Variants in RRN3 observed in about 807,000 individuals in gnomAD.
RRN3 encodes RNA polymerase I-specific transcription initiation factor RRN3.
Under a neutral mutation model 82.3 loss-of-function variants are expected in RRN3, and 38 were observed. The ratio of observed to expected loss-of-function variants is 0.46; its 90% CI spans 0.36 to 0.61. RRN3 has a LOEUF of 0.61. Among genes scored for constraint, RRN3 ranks in the 20% least tolerant of loss-of-function variants. The probability of loss-of-function intolerance (pLI) is 0.00; values close to 1 mark genes in which losing one functional copy is unlikely to be tolerated. For missense variants in RRN3, 726 were observed against 793.1 expected (o/e 0.92, Z 1.02); for synonymous variants, 284 against 284.3 (o/e 1.00, Z 0.01).
rs546357957 is a variant in RRN3, at chr16:15,065,151, G to A, written c.1706+68C>T. 9.4e-4 allele frequency: 1,405 copies of A among 1,488,656 alleles called. 8 individuals are homozygous for A. Among genetic ancestry groups the A allele is most frequent in the Middle Eastern group, 5.0e-3 (28 of 5,616 alleles). 92.2% of individuals were successfully genotyped at this position (1,488,656 alleles called of 1,614,324 possible). Reference sequence around the variant, plus strand: ...ACCGCACTCCAGCCTGGGCGACAGAGTGAGACTCCGTCTCAAAAAAAAAAA... The same window carrying A: ...ACCGCACTCCAGCCTGGGCGACAGAATGAGACTCCGTCTCAAAAAAAAAAA... On this transcript the variant is annotated intron_variant, in intron 16 of 17. Transcript: ENST00000198767.
At chr16:15,078,319 G>A (rs1332582778) in intron 9 of RRN3, among the ~76,000 whole-genome samples, 1 of 151,948 alleles carries the variant, frequency 6.6e-6, no homozygotes, top group Non-Finnish European at 1.5e-5. Context: ...CCACAAACCT[G>A]CTCACGTCTC....
chr16:15,081,668 C>T (rs1266940454), intron 8 of RRN3, among the ~76,000 whole-genome samples: 10 of 152,090 alleles, frequency 6.6e-5, no homozygotes, highest in East Asian at 1.9e-4. Context: ...AGCATAACAA[C>T]GTTTAATTTT....
At chr16:15,089,703 G>C (rs180726215) in intron 3 of RRN3, among the ~76,000 whole-genome samples, 586 of 150,528 alleles carry the variant, frequency 3.9e-3, no homozygotes, top group Admixed American at 6.8e-3. Context: ...GGGAGGCTGA[G>C]GCAGGAGAAT....
At chr16:15,084,999 A>G (rs1293231927) in intron 6 of RRN3, among the ~76,000 whole-genome samples, 1 of 150,636 alleles carries the variant, frequency 6.6e-6, no homozygotes, top group African/African-American at 2.4e-5. Flanking sequence ...CTGGGAGGTG[A>G]AGGCTGCAGC....
At chr16:15,066,919 G>A (rs567617933) in intron 15 of RRN3, among the ~76,000 whole-genome samples, 1 of 151,652 alleles carries the variant, frequency 6.6e-6, no homozygotes, top group South Asian at 2.1e-4. Context: ...ACCCCAAATC[G>A]AGAGCCCCTG....
rs569430596 is a variant in RRN3, at chr16:15,083,028, A to G, written c.666+485T>C. 1.4e-4 allele frequency among the ~76,000 whole-genome samples: 21 copies of G among 152,378 alleles called. No homozygotes were observed. The South Asian group carries it at 3.1e-3, about 23-fold the overall frequency. On this transcript the variant is annotated intron_variant, in intron 8 of 17. Coordinates refer to ENST00000198767, the MANE Select transcript of RRN3 (RefSeq NM_018427.5). ...CAGAAAAAGGCACTGGGAATCCCCA[A>G]TAGCCGCTTTATAAGAAAGGAATCT...
intron 16 of RRN3, among the ~76,000 whole-genome samples, chr16:15,064,122 C>G (rs1358506575): frequency 1.3e-5 from 2 of 152,194 alleles, no homozygotes; most frequent in Non-Finnish European, 2.9e-5. Flanking sequence ...CAAGTTAAGG[C>G]TGGCCCAGTG....
At chr16:15,089,663 G>T (rs1427712540) in intron 3 of RRN3, among the ~76,000 whole-genome samples, 20 of 151,652 alleles carry the variant, frequency 1.3e-4, no homozygotes, top group Middle Eastern at 3.2e-3. Context: ...AGCTGGCGGT[G>T]GTGGCGGGCG....
At chr16:15,069,068 C>A (rs2045107884) in intron 14 of RRN3, among the ~76,000 whole-genome samples, 2 of 152,162 alleles carry the variant, frequency 1.3e-5, no homozygotes, top group African/African-American at 4.8e-5. Flanking sequence ...CTAGTTCATA[C>A]AACATCTTTT....
intron 16 of RRN3, among the ~76,000 whole-genome samples, chr16:15,063,723 GA>G (rs1214508290): frequency 5.0e-5 from 6 of 118,884 alleles, no homozygotes; most frequent in African/African-American, 1.4e-4. Flanking sequence ...AAAAAAAAAA[GA>G]AAAAAACAAA....
chr16:15,089,980 G>A (rs557121034), intron 3 of RRN3, among the ~76,000 whole-genome samples: 57 of 151,754 alleles, frequency 3.8e-4, no homozygotes, highest in African/African-American at 1.3e-3. Flanking sequence ...AGGCCAAGGC[G>A]GGCAGGTCAC....
rs756188965 is a variant in RRN3 at position 15,086,181 on chromosome 16, C to T, written c.420G>A (p.Gln140=). 14 of 1,599,068 alleles carry T rather than the reference C, an allele frequency of 8.8e-6. No individual in the cohort carries two copies. Among genetic ancestry groups the T allele is most frequent in the South Asian group, 6.7e-5 (6 of 89,644 alleles). Residue 140 remains glutamine (Q), a synonymous_variant, in exon 5 of 18, where the codon CAG becomes CAA. Coordinates refer to ENST00000198767, the MANE Select transcript of RRN3 (RefSeq NM_018427.5). ...LAFLGNLVSA[Q]TVFLRPCLSM... is the part of the protein sequence containing the mutation. ...TGAGACACGGTCTGAGGAAAACAGT[C>T]TGTGCTGATACAAGATTACCAAGAA... is the stretch of plus-strand genomic sequence containing the variant.
chr16:15,094,212 T>G lies in RRN3; in HGVS notation c.22A>C (p.Thr8Pro). The change falls in exon 1 of 18, where the codon ACG (threonine) becomes CCG (proline). Residue 8 changes from threonine to proline, a missense_variant. By Grantham distance (38) the Thr-to-Pro change is conservative (BLOSUM62 -1). Coordinates refer to ENST00000198767, the MANE Select transcript of RRN3 (RefSeq NM_018427.5). ...GCGGCCGCATCTCCCGGCAAACGCGTGTGAAGCAGCGGTGCCGCCATTGGG... is the reference window on the plus strand; with the variant it reads ...GCGGCCGCATCTCCCGGCAAACGCGGGTGAAGCAGCGGTGCCGCCATTGGG... Reference protein sequence around the residue: MAAPLLHTRLPGDAAASS... With the variant: MAAPLLHPRLPGDAAASS... The G allele has an allele frequency of 6.3e-7, 1 of 1,596,466 alleles. No individual in the cohort carries two copies. The highest frequency in any genetic ancestry group is 8.5e-7 in the Non-Finnish European group (1 of 1,172,172).
intron 15 of RRN3, among the ~76,000 whole-genome samples, chr16:15,065,643 T>A (rs555962209): frequency 6.6e-6 from 1 of 152,230 alleles, no homozygotes; most frequent in Admixed American, 6.5e-5. Context: ...TAGATATTAT[T>A]CATTATATTT....
At chr16:15,092,687 A>G in intron 1 of RRN3, 73 bp from the exon 2 acceptor site, 1 of 1,018,572 alleles carries the variant, frequency 9.8e-7, no homozygotes, top group South Asian at 1.3e-5. Context: ...CATTTATTGA[A>G]CCAACATAAT....
rs997652698 is a variant in RRN3, at chr16:15,068,367, T to TA, written c.1445-91dup. The stretch of plus-strand genomic sequence containing the variant: ...TTAAAAGCACAAATTATCACACATT[T>TA]AAAAAAAACTTTAAAAAATTATTTG... On this transcript the variant is annotated intron_variant, in intron 14 of 17. Coordinates refer to ENST00000198767, the MANE Select transcript of RRN3 (RefSeq NM_018427.5). 75 of 1,449,734 alleles carry TA rather than the reference T, an allele frequency of 5.2e-5. No individual in the cohort carries two copies. The African/African-American group carries it at 7.8e-4, about 15-fold the overall frequency. The allele number at this position is 1,449,734 out of a possible 1,614,324, so 89.8% of individuals were successfully genotyped here. A position where few individuals can be genotyped will look rare whatever the true frequency, so the allele number is the denominator to read the frequency against.
chr16:15,072,693 G>C (rs1203727408), intron 12 of RRN3, among the ~76,000 whole-genome samples: 1 of 152,130 alleles, frequency 6.6e-6, no homozygotes, highest in African/African-American at 2.4e-5. Context: ...GCTATCGAGA[G>C]GGTAAGGACT....
Position 15,065,488 on chromosome 16 carries a change from G to A in RRN3, c.1554-117C>T, listed in dbSNP as rs1597879254. Reference sequence around the variant, plus strand: ...ACAGAGAAATTGCTGAATATAACAAGTGCTAGTAAAAATAACAATATAAAG... The same window carrying A: ...ACAGAGAAATTGCTGAATATAACAAATGCTAGTAAAAATAACAATATAAAG... On this transcript the variant is annotated intron_variant, in intron 15 of 17. Coordinates refer to ENST00000198767, the MANE Select transcript of RRN3 (RefSeq NM_018427.5). 32 of 752,458 alleles carry A rather than the reference G, an allele frequency of 4.3e-5. No homozygotes were observed. The East Asian group carries it at 8.0e-4, about 19-fold the overall frequency. 46.6% of individuals were successfully genotyped at this position (752,458 alleles called of 1,614,324 possible).
rs1004734150 is a variant in RRN3, at chr16:15,093,935, A to G, written c.89+210T>C. ...ACAGTCGGGAAAGGGGGCCTCCAGA[A>G]CAGAGAACATAGTCACTTTTCCAGG... is the stretch of plus-strand genomic sequence containing the variant. On this transcript the variant is annotated intron_variant, in intron 1 of 17. Coordinates refer to ENST00000198767, the MANE Select transcript of RRN3 (RefSeq NM_018427.5). 3 of 585,678 alleles carry G rather than the reference A, an allele frequency of 5.1e-6. No homozygotes were observed. The African/African-American group carries it at 5.7e-5, about 11-fold the overall frequency. 36.3% of individuals were successfully genotyped at this position (585,678 alleles called of 1,614,324 possible). A position where few individuals can be genotyped will look rare whatever the true frequency, so the allele number is the denominator to read the frequency against.
Sources: gnomAD v4.1 joint callset for allele counts (sites outside exome capture counted in the v4.1 genomes callset) on GRCh38, gnomAD v4.1.1 for gene constraint, MANE v1.5 for transcripts, NCBI Gene and HGNC (gene_info 2026-07-23, HGNC 2026-07-21) for gene names.